Variants in SLC25A26 observed in about 807,000 individuals in gnomAD.
SLC25A26 encodes mitochondrial S-adenosylmethionine carrier protein.
SLC25A26 carries 36 observed loss-of-function variants against 37.8 expected under a neutral mutation model. That is an observed-to-expected ratio of 0.95 (90% CI 0.73 to 1.26). The LOEUF (loss-of-function observed/expected upper bound fraction) is 1.26, where lower values mean the gene tolerates loss of function less well. SLC25A26 is among the 50% of genes most tolerant of loss of function. The probability of loss-of-function intolerance (pLI) is 0.00; values close to 1 mark genes in which losing one functional copy is unlikely to be tolerated. For missense variants in SLC25A26, 390 were observed against 331.1 expected (o/e 1.18, Z -1.38); for synonymous variants, 129 against 122.5 (o/e 1.05, Z -0.35).
rs200178757 is a variant in SLC25A26, at chr3:66,287,248, ATCACGCCATTGCAC to A, written c.453+23872_453+23885del. Among the ~76,000 whole-genome samples, 28 of 151,608 alleles carry A rather than the reference ATCACGCCATTGCAC, an allele frequency of 1.8e-4. No individual in the cohort carries two copies. The East Asian group carries it at 4.7e-3, about 25-fold the overall frequency. Reference sequence around the variant, plus strand: ...GAGGCGGAGCTTGCAGTTAGCCCAGATCACGCCATTGCACTCTAGCCTGGGCGACAGAGCGAGAC... The same window carrying A: ...GAGGCGGAGCTTGCAGTTAGCCCAGATCTAGCCTGGGCGACAGAGCGAGAC... On this transcript the variant is annotated intron_variant, in intron 5 of 9. Transcript: ENST00000354883.
At chr3:66,325,708 G>A (rs1418578108) in intron 5 of SLC25A26, among the ~76,000 whole-genome samples, 1 of 152,178 alleles carries the variant, frequency 6.6e-6, no homozygotes, top group Non-Finnish European at 1.5e-5. Context: ...GGCCAGTGTA[G>A]CGTAAAGCAC....
chr3:66,327,836 T>C (rs1443010737), intron 5 of SLC25A26, among the ~76,000 whole-genome samples: 1 of 152,180 alleles, frequency 6.6e-6, no homozygotes, highest in Non-Finnish European at 1.5e-5. Context: ...TCACTTGTCC[T>C]GTGTTTTAAT....
intron 3 of SLC25A26, among the ~76,000 whole-genome samples, chr3:66,247,445 C>G (rs2072901834): frequency 6.6e-6 from 1 of 152,124 alleles, no homozygotes; most frequent in South Asian, 2.1e-4. Context: ...GTAGCTGGGA[C>G]TGTAGGCAGG....
intron 3 of SLC25A26, among the ~76,000 whole-genome samples, chr3:66,259,604 T>G (rs982651767): frequency 6.6e-6 from 1 of 152,184 alleles, no homozygotes; most frequent in Admixed American, 6.5e-5. Flanking sequence ...TGCATTTTAC[T>G]CCTTTTTCCT....
intron 9 of SLC25A26, among the ~76,000 whole-genome samples, chr3:66,377,109 G>T (rs1311378884): frequency 6.6e-6 from 1 of 152,164 alleles, no homozygotes; most frequent in Non-Finnish European, 1.5e-5. Context: ...TCGTGGCATT[G>T]TAGTTTTACT....
intron 5 of SLC25A26, among the ~76,000 whole-genome samples, chr3:66,325,195 A>G (rs1405844661): frequency 6.6e-6 from 1 of 152,212 alleles, no homozygotes; most frequent in African/African-American, 2.4e-5. Context: ...GACGTAAGGC[A>G]TATATTCAGT....
intron 5 of SLC25A26, among the ~76,000 whole-genome samples, chr3:66,273,382 G>T (rs1210227391): frequency 6.6e-6 from 1 of 151,804 alleles, no homozygotes; most frequent in South Asian, 2.1e-4. Flanking sequence ...GTTCCTCCTT[G>T]TACCTCTGGT....
chr3:66,229,258 CTA>C (rs889306458), intron 1 of SLC25A26, among the ~76,000 whole-genome samples: 3 of 152,122 alleles, frequency 2.0e-5, no homozygotes, highest in African/African-American at 7.2e-5. Flanking sequence ...CTCAAAAACT[CTA>C]TGAAGTATAG....
intron 5 of SLC25A26, among the ~76,000 whole-genome samples, chr3:66,281,185 A>T (rs1239452293): frequency 6.6e-6 from 1 of 152,102 alleles, no homozygotes; most frequent in African/African-American, 2.4e-5. Context: ...TGGTTTTTTT[A>T]TATGAATACC....
chr3:66,370,434 G>A, intron 8 of SLC25A26, 95 bp from the exon 9 acceptor site: 1 of 979,220 alleles, frequency 1.0e-6, no homozygotes, highest in Non-Finnish European at 1.6e-6. Context: ...CTAGATGAGG[G>A]TGACGGGGAG....
At chr3:66,338,643 TA>T (rs1214513759) in intron 5 of SLC25A26, among the ~76,000 whole-genome samples, 2 of 152,038 alleles carry the variant, frequency 1.3e-5, no homozygotes, top group Non-Finnish European at 1.5e-5. Flanking sequence ...TATCTATTCC[TA>T]AAACCTTTTT....
intron 5 of SLC25A26, among the ~76,000 whole-genome samples, chr3:66,272,836 A>C (rs1338330266): frequency 1.3e-5 from 2 of 152,164 alleles, no homozygotes; most frequent in African/African-American, 4.8e-5. Flanking sequence ...TGTGTTGAAT[A>C]GGAGTGGTGA....
intron 1 of SLC25A26, among the ~76,000 whole-genome samples, chr3:66,212,898 G>A (rs1338312184): frequency 7.2e-5 from 11 of 152,272 alleles, no homozygotes; most frequent in South Asian, 6.2e-4. Context: ...TTCATTTGCC[G>A]ATTGACATTC....
chr3:66,285,984 A>G (rs73833450), intron 5 of SLC25A26, among the ~76,000 whole-genome samples: 9,740 of 152,246 alleles, frequency 0.064, 340 homozygotes, highest in South Asian at 0.074. Context: ...ACATCTTTTC[A>G]TATGCTTATT....
rs7635359 is a variant in SLC25A26 at position 66,282,389 on chromosome 3, G to A, written c.453+19010G>A. Among the ~76,000 whole-genome samples the A allele has an allele frequency of 5.3e-3, 801 of 152,064 alleles. 4 individuals carry two copies. Among genetic ancestry groups the A allele is most frequent in the African/African-American group, 0.018 (726 of 41,482 alleles). ...TCGAACTCCCGACCTCAAGGGAGTC[G>A]CCCACCTTGGCCTCCCAAAGTGCTG... On this transcript the variant is annotated intron_variant, in intron 5 of 9. Coordinates refer to ENST00000354883, the MANE Select transcript of SLC25A26 (RefSeq NM_001379210.1).
intron 3 of SLC25A26, among the ~76,000 whole-genome samples, chr3:66,257,263 G>T (rs953895535): frequency 1.3e-5 from 2 of 151,874 alleles, no homozygotes; most frequent in African/African-American, 4.8e-5. Context: ...AAAGATTTCT[G>T]GTCCAAGTCA....
At chr3:66,143,860 A>G (rs1298693421) in intron 1 of SLC25A26, among the ~76,000 whole-genome samples, 1 of 152,162 alleles carries the variant, frequency 6.6e-6, no homozygotes, top group Non-Finnish European at 1.5e-5. Flanking sequence ...CAGCCTGGGC[A>G]ACAGAGTAAG....
intron 5 of SLC25A26, among the ~76,000 whole-genome samples, chr3:66,267,656 T>C (rs2073805597): frequency 6.6e-6 from 1 of 152,186 alleles, no homozygotes; most frequent in Non-Finnish European, 1.5e-5. Flanking sequence ...TAGATGCTAG[T>C]AAAGAGATTT....
intron 3 of SLC25A26, among the ~76,000 whole-genome samples, chr3:66,251,443 T>C (rs1364585373): frequency 6.6e-6 from 1 of 152,166 alleles, no homozygotes; most frequent in African/African-American, 2.4e-5. Context: ...TTTTAGTTTG[T>C]TGTGTCTATG....
Sources: allele counts gnomAD v4.1 joint callset (sites outside exome capture counted in the v4.1 genomes callset), GRCh38; gene constraint gnomAD v4.1.1; transcripts MANE v1.5; gene names NCBI Gene and HGNC (gene_info 2026-07-23, HGNC 2026-07-21).